Variants in GABRB2 observed in about 807,000 individuals in gnomAD.
GABRB2 encodes gamma-aminobutyric acid type A receptor subunit beta2.
In GABRB2, 16 loss-of-function variants were observed where a neutral mutation model predicts 54.7. The ratio of observed to expected loss-of-function variants is 0.29; its 90% CI spans 0.20 to 0.44. GABRB2 has a LOEUF of 0.44. Among genes scored for constraint, GABRB2 ranks in the 20% least tolerant of loss-of-function variants. The pLI, the probability that GABRB2 is intolerant of heterozygous loss-of-function variation, is 1.00. For synonymous variants in GABRB2, 244 were observed against 233.8 expected, an observed-to-expected ratio of 1.04 and a Z score of -0.40; for missense variants, 355 against 644.0, an observed-to-expected ratio of 0.55 and a Z score of 4.86.
At chr5:161,433,952 C>G (rs991395663) in intron 4 of GABRB2, among the ~76,000 whole-genome samples, 3 of 152,086 alleles carry the variant, frequency 2.0e-5, no homozygotes, top group South Asian at 2.1e-4. Context: ...TTAAAACATG[C>G]TAAATCTCTG....
chr5:161,457,953 T>C (rs1157949187), intron 4 of GABRB2, among the ~76,000 whole-genome samples: 4 of 152,138 alleles, frequency 2.6e-5, no homozygotes, highest in Non-Finnish European at 5.9e-5. Context: ...GCAGGGTGAT[T>C]TCTGCATTAT....
chr5:161,358,350 G>T (rs935452325), intron 5 of GABRB2, among the ~76,000 whole-genome samples: 2 of 152,096 alleles, frequency 1.3e-5, no homozygotes, highest in African/African-American at 2.4e-5. Flanking sequence ...TGTCATGGTG[G>T]AAGGGAAAGG....
intron 9 of GABRB2, among the ~76,000 whole-genome samples, chr5:161,297,394 TC>T (rs1417119119): frequency 1.3e-5 from 2 of 152,176 alleles, no homozygotes; most frequent in Admixed American, 6.5e-5. Flanking sequence ...CAACCAGTCA[TC>T]TACATTAGGT....
In GABRB2 at chr5:161,378,921, G is replaced by A. The variant is rs545093368; in HGVS notation, c.541+32054C>T. On this transcript the variant is annotated intron_variant, in intron 5 of 9. Coordinates refer to ENST00000393959, the MANE Select transcript of GABRB2 (RefSeq NM_001371727.1). ...TTGCAAAGGAGCACCTGCACACAAGGCCCAGGAGAGCTAGGCAAGCCATTT... is the reference window on the plus strand; with the variant it reads ...TTGCAAAGGAGCACCTGCACACAAGACCCAGGAGAGCTAGGCAAGCCATTT... Among the ~76,000 whole-genome samples the A allele has an allele frequency of 2.6e-5, 4 of 152,266 alleles. No individual in the cohort carries two copies. The South Asian group carries it at 6.2e-4, about 24-fold the overall frequency.
At chr5:161,506,076 A>G (rs1464445480) in intron 3 of GABRB2, among the ~76,000 whole-genome samples, 3 of 152,076 alleles carry the variant, frequency 2.0e-5, no homozygotes, top group African/African-American at 7.2e-5. Context: ...GAATCTACAT[A>G]CAAAAGTACT....
At chr5:161,523,855 A>G (rs1561681708) in intron 3 of GABRB2, among the ~76,000 whole-genome samples, 1 of 151,328 alleles carries the variant, frequency 6.6e-6, no homozygotes, top group Non-Finnish European at 1.5e-5. Context: ...CCAAAAATCA[A>G]AGGAAATATT....
intron 9 of GABRB2, among the ~76,000 whole-genome samples, chr5:161,309,844 G>T (rs374096612): frequency 3.0e-4 from 46 of 152,208 alleles, no homozygotes; most frequent in African/African-American, 8.7e-4. Flanking sequence ...TGTTAGCCAG[G>T]ATGGTCTCGA....
intron 3 of GABRB2, among the ~76,000 whole-genome samples, chr5:161,481,188 C>T (rs1465656208): frequency 6.6e-6 from 1 of 151,726 alleles, no homozygotes; most frequent in Non-Finnish European, 1.5e-5. Flanking sequence ...TCCCTGAAAA[C>T]ATTGATTAAA....
At chr5:161,370,529 T>G (rs781061173) in intron 5 of GABRB2, among the ~76,000 whole-genome samples, 1 of 152,198 alleles carries the variant, frequency 6.6e-6, no homozygotes, top group Non-Finnish European at 1.5e-5. Flanking sequence ...TCATTTCACC[T>G]AGAGAAAACT....
At chr5:161,478,858 T>C (rs1307527361) in intron 3 of GABRB2, among the ~76,000 whole-genome samples, 3 of 152,096 alleles carry the variant, frequency 2.0e-5, no homozygotes, top group African/African-American at 7.2e-5. Context: ...AAAAGTGCTA[T>C]GTAGATCCTT....
chr5:161,524,064 A>C (rs1295309193), intron 3 of GABRB2, among the ~76,000 whole-genome samples: 1 of 151,424 alleles, frequency 6.6e-6, no homozygotes, highest in African/African-American at 2.4e-5. Context: ...CTTGGTTAGA[A>C]TAGTCAGAAA....
intron 3 of GABRB2, among the ~76,000 whole-genome samples, chr5:161,529,458 A>C (rs1046264945): frequency 3.9e-5 from 6 of 152,038 alleles, no homozygotes; most frequent in East Asian, 1.9e-4. Context: ...TCGGGCCCAA[A>C]TCCCAGCTCC....
rs548021017 is a variant in GABRB2, at chr5:161,535,713, C to A, written c.237+9514G>T. ...TAACTTGAAGTGCATTAACACAATA[C>A]CTGCACAAGTTAAAAACTCAATACA... On this transcript the variant is annotated intron_variant, in intron 3 of 9. Coordinates refer to ENST00000393959, the MANE Select transcript of GABRB2 (RefSeq NM_001371727.1). Among the ~76,000 whole-genome samples the A allele has an allele frequency of 2.0e-5, 3 of 152,202 alleles. No homozygotes were observed. In the South Asian group the frequency reaches 6.2e-4, roughly 32 times the overall value.
chr5:161,398,723 C>A (rs1383184721), intron 5 of GABRB2, among the ~76,000 whole-genome samples: 5 of 151,808 alleles, frequency 3.3e-5, no homozygotes, highest in Non-Finnish European at 7.4e-5. Flanking sequence ...CAGAGTCTCG[C>A]TCTGTTGCCA....
chr5:161,480,372 T>C (rs775345801), intron 3 of GABRB2, among the ~76,000 whole-genome samples: 13 of 152,060 alleles, frequency 8.5e-5, no homozygotes, highest in African/African-American at 3.1e-4. Flanking sequence ...CACAAATACA[T>C]AAATATATTA....
chr5:161,384,120 T>C (rs1755553581), intron 5 of GABRB2, among the ~76,000 whole-genome samples: 1 of 152,166 alleles, frequency 6.6e-6, no homozygotes. Flanking sequence ...GGGAAGATGA[T>C]TTATGGTGGT....
At chr5:161,453,870 C>T (rs1757865609) in intron 4 of GABRB2, among the ~76,000 whole-genome samples, 1 of 151,932 alleles carries the variant, frequency 6.6e-6, no homozygotes, top group African/African-American at 2.4e-5. Flanking sequence ...AACCCTGTCT[C>T]TACTAAAAAT....
Position 161,324,809 on chromosome 5 carries a change from C to T in GABRB2, c.1191+1559G>A, listed in dbSNP as rs186709739. Among the ~76,000 whole-genome samples the T allele has an allele frequency of 9.7e-4, 147 of 152,074 alleles. 1 individual carries two copies. The highest frequency in any genetic ancestry group is 1.3e-4 in the Admixed American group (2 of 15,276). Reference sequence around the variant, plus strand: ...CATAGAAAAGTATAAAAACAAAAGACGTTAGAATTCATATTTCAATGTAGA... The same window carrying T: ...CATAGAAAAGTATAAAAACAAAAGATGTTAGAATTCATATTTCAATGTAGA... On this transcript the variant is annotated intron_variant, in intron 9 of 9. Transcript: ENST00000393959.
intron 9 of GABRB2, among the ~76,000 whole-genome samples, chr5:161,304,770 T>TACATTTAATAATATTAAAGC (rs1228885493): frequency 2.0e-5 from 3 of 152,074 alleles, no homozygotes; most frequent in African/African-American, 7.2e-5. Flanking sequence ...TTCGAATTGT[T>TACATTTAATAATATTAAAGC]ACATTTAATA....
Sources: allele counts gnomAD v4.1 joint callset (sites outside exome capture counted in the v4.1 genomes callset), GRCh38; gene constraint gnomAD v4.1.1; transcripts MANE v1.5; gene names NCBI Gene and HGNC (gene_info 2026-07-23, HGNC 2026-07-21).